ELMO1: variants seen among roughly 807,000 people sequenced by gnomAD.
ELMO1 encodes the protein engulfment and cell motility 1, also known as engulfment and cell motility protein 1.
ELMO1 carries 26 observed loss-of-function variants against 98.9 expected under a neutral mutation model. The ratio of observed to expected loss-of-function variants is 0.26; its 90% CI spans 0.19 to 0.36. The LOEUF is 0.36. ELMO1 is among the 10% of genes least tolerant of loss of function. The pLI, the probability that ELMO1 is intolerant of heterozygous loss-of-function variation, is 1.00. For missense variants in ELMO1, 627 were observed against 935.2 expected (o/e 0.67, Z 4.30); for synonymous variants, 346 against 346.0 (o/e 1.00, Z 0.00).
chr7:37,394,304 T>G (rs571360909), intron 1 of ELMO1, among the ~76,000 whole-genome samples: 20 of 152,170 alleles, frequency 1.3e-4, no homozygotes, highest in African/African-American at 4.8e-4. Flanking sequence ...TTCAGAAACC[T>G]GAAAGAAGCT....
intron 1 of ELMO1, among the ~76,000 whole-genome samples, chr7:37,388,152 C>T (rs986833541): frequency 6.6e-6 from 1 of 152,126 alleles, no homozygotes; most frequent in Non-Finnish European, 1.5e-5. Context: ...GTGGAATACA[C>T]TTTGAGAAAC....
At chr7:37,073,036 T>A (rs976223157) in intron 15 of ELMO1, among the ~76,000 whole-genome samples, 2 of 152,244 alleles carry the variant, frequency 1.3e-5, no homozygotes, top group African/African-American at 4.8e-5. Context: ...TAAGTAACTA[T>A]ACATACATGC....
At chr7:36,922,347 C>CAAAA (rs750588423) in intron 16 of ELMO1, among the ~76,000 whole-genome samples, 1,802 of 85,412 alleles carry the variant, frequency 0.021, 34 homozygotes, top group East Asian at 0.076. Flanking sequence ...CACAGACTTG[C>CAAAA]AAAAAAAAAA....
chr7:37,274,012 C>T (rs1796701577), intron 4 of ELMO1, among the ~76,000 whole-genome samples: 1 of 152,126 alleles, frequency 6.6e-6, no homozygotes, highest in Admixed American at 6.5e-5. Context: ...AACCCAACAC[C>T]ACCAGATCCA....
At chr7:37,183,720 C>CA (rs1554436851) in intron 13 of ELMO1, among the ~76,000 whole-genome samples, 5,254 of 150,862 alleles carry the variant, frequency 0.035, 305 homozygotes, top group African/African-American at 0.12. Flanking sequence ...ATATTCCAGA[C>CA]TTTTTTTTTC....
At chr7:37,094,357 C>T (rs145973608) in intron 15 of ELMO1, among the ~76,000 whole-genome samples, 244 of 152,306 alleles carry the variant, frequency 1.6e-3, no homozygotes, top group African/African-American at 5.6e-3. Flanking sequence ...GCCTTCATCT[C>T]CACTCTGTTA....
At chr7:36,856,902 C>A (rs1489792283) in intron 21 of ELMO1, among the ~76,000 whole-genome samples, 3 of 152,212 alleles carry the variant, frequency 2.0e-5, no homozygotes, top group African/African-American at 4.8e-5. Context: ...CTAGTTCAAG[C>A]GGCAATTCCA....
In ELMO1 at chr7:37,417,683, C is replaced by CACACACACACACACACACACACACAA. The variant is rs753914608; in HGVS notation, c.-74+30991_-74+30992insTTGTGTGTGTGTGTGTGTGTGTGTGT. Among the ~76,000 whole-genome samples, 723 of 146,276 alleles carry CACACACACACACACACACACACACAA rather than the reference C, an allele frequency of 4.9e-3. 6 individuals carry two copies. The highest frequency in any genetic ancestry group is 0.023 in the South Asian group (102 of 4,432). ...CGTCACACACACACACACACACACA[C>CACACACACACACACACACACACACAA]AAGCAAAAATTAGCTGGGTGTGGTG... On this transcript the variant is annotated intron_variant, in intron 1 of 21. Coordinates refer to ENST00000310758, the MANE Select transcript of ELMO1 (RefSeq NM_014800.11).
chr7:37,114,665 A>G (rs1008207409), intron 14 of ELMO1, among the ~76,000 whole-genome samples: 2 of 152,188 alleles, frequency 1.3e-5, no homozygotes, highest in Non-Finnish European at 2.9e-5. Flanking sequence ...GGAGAAAAAT[A>G]TACAAAATCA....
At chr7:37,158,439 A>G (rs998556132) in intron 13 of ELMO1, among the ~76,000 whole-genome samples, 1 of 152,250 alleles carries the variant, frequency 6.6e-6, no homozygotes, top group Non-Finnish European at 1.5e-5. Context: ...AGAATTGACA[A>G]AGTACTTAAA....
At chr7:37,425,097 A>C (rs1442666220) in intron 1 of ELMO1, among the ~76,000 whole-genome samples, 1 of 152,200 alleles carries the variant, frequency 6.6e-6, no homozygotes, top group Non-Finnish European at 1.5e-5. Context: ...TAGTCAATTC[A>C]GGATGCTCTA....
intron 16 of ELMO1, among the ~76,000 whole-genome samples, chr7:36,952,782 G>C (rs1339801768): frequency 1.3e-5 from 2 of 152,094 alleles, no homozygotes; most frequent in East Asian, 3.9e-4. Flanking sequence ...TGTGTGAATA[G>C]CTGGGAAGGA....
chr7:37,138,967 C>T (rs573327419), intron 13 of ELMO1, among the ~76,000 whole-genome samples: 73 of 152,258 alleles, frequency 4.8e-4, no homozygotes, highest in African/African-American at 1.7e-3. Context: ...GAATCAAAAA[C>T]GAAAATCATA....
chr7:36,884,311 T>C (rs910473376), intron 18 of ELMO1, among the ~76,000 whole-genome samples: 6 of 125,210 alleles, frequency 4.8e-5, no homozygotes, highest in African/African-American at 2.1e-4. Context: ...AGCGAGACTG[T>C]CTCAAAAAAA....
chr7:37,194,101 C>A (rs1584791815), intron 13 of ELMO1, among the ~76,000 whole-genome samples: 1 of 152,182 alleles, frequency 6.6e-6, no homozygotes, highest in Non-Finnish European at 1.5e-5. Context: ...TATGTCCTGG[C>A]CAGTTTATTC....
intron 1 of ELMO1, among the ~76,000 whole-genome samples, chr7:37,422,265 T>TG (rs942981473): frequency 5.9e-5 from 9 of 152,328 alleles, no homozygotes; most frequent in African/African-American, 1.9e-4. Context: ...ATAAATTCAA[T>TG]GGGGAAATGA....
At chr7:37,388,171 A>C (rs1802891716) in intron 1 of ELMO1, among the ~76,000 whole-genome samples, 1 of 152,188 alleles carries the variant, frequency 6.6e-6, no homozygotes, top group Admixed American at 6.5e-5. Context: ...ACAATGCCTT[A>C]AAAGTCAGAG....
chr7:37,041,762 G>T (rs150023383), intron 15 of ELMO1, among the ~76,000 whole-genome samples: 3 of 152,036 alleles, frequency 2.0e-5, no homozygotes, highest in African/African-American at 7.2e-5. Context: ...GAGTTAACGT[G>T]GCAGAAAAGC....
intron 4 of ELMO1, among the ~76,000 whole-genome samples, chr7:37,304,391 A>G (rs1798498620): frequency 6.6e-6 from 1 of 151,990 alleles, no homozygotes; most frequent in African/African-American, 2.4e-5. Context: ...ATGCACTTCA[A>G]TTTTCACAAG....
Sources: gnomAD v4.1 joint callset for allele counts (sites outside exome capture counted in the v4.1 genomes callset) on GRCh38, gnomAD v4.1.1 for gene constraint, MANE v1.5 for transcripts, NCBI Gene and HGNC (gene_info 2026-07-23, HGNC 2026-07-21) for gene names.